Variants in ADAMTS12 observed in about 807,000 individuals in gnomAD.
The protein encoded by ADAMTS12 is ADAM metallopeptidase with thrombospondin type 1 motif 12.
A neutral mutation model predicts 167.8 loss-of-function variants in ADAMTS12; 118 were observed. The observed-to-expected ratio is 0.70, with a 90% confidence interval of 0.61 to 0.82. The LOEUF is 0.82. Ranked by LOEUF, ADAMTS12 falls within the 40% of genes least tolerant of loss-of-function variation. The pLI is 0.00. For synonymous variants in ADAMTS12, 704 were observed against 716.9 expected (o/e 0.98, Z 0.29); for missense variants, 1,916 against 1,998.8 (o/e 0.96, Z 0.79).
intron 2 of ADAMTS12, among the ~76,000 whole-genome samples, chr5:33,859,997 C>G (rs995069645): frequency 1.3e-5 from 2 of 152,144 alleles, no homozygotes; most frequent in Admixed American, 1.3e-4. Context: ...AACAAAAACC[C>G]CATCCAAATG....
intron 7 of ADAMTS12, among the ~76,000 whole-genome samples, chr5:33,654,918 A>C (rs186055922): frequency 2.7e-5 from 3 of 110,516 alleles, no homozygotes; most frequent in Non-Finnish European, 5.8e-5. Context: ...GTGTATTTCC[A>C]GGTTGTTGCC....
At chr5:33,527,505 T>C in intron 23 of ADAMTS12, 139 bp from the exon 24 acceptor site, 1 of 803,044 alleles carries the variant, frequency 1.2e-6, no homozygotes, top group South Asian at 1.8e-5. Flanking sequence ...TGGTATCTAC[T>C]GAATGTTTAT....
rs73758960 is a variant in ADAMTS12 at position 33,653,790 on chromosome 5, T to C, written c.1191-4093A>G. ...TGATAGGCCTGGGCATGGATTTTCT[T>C]TGGGTTTAACCTGGTTGAGTTTCTC... On this transcript the variant is annotated intron_variant, in intron 7 of 23. Transcript: ENST00000504830. 7.1e-3 allele frequency among the ~76,000 whole-genome samples: 1,076 copies of C among 152,250 alleles called. 16 individuals are homozygous for C. Among genetic ancestry groups the C allele is most frequent in the African/African-American group, 0.025 (1,023 of 41,556 alleles).
intron 20 of ADAMTS12, among the ~76,000 whole-genome samples, chr5:33,558,822 G>A (rs1745603457): frequency 6.6e-6 from 1 of 152,220 alleles, no homozygotes; most frequent in South Asian, 2.1e-4. Flanking sequence ...GGATATGGAA[G>A]AGAAGTTGTA....
At chr5:33,562,763 C>G (rs1303129123) in intron 19 of ADAMTS12, among the ~76,000 whole-genome samples, 1 of 152,018 alleles carries the variant, frequency 6.6e-6, no homozygotes, top group Non-Finnish European at 1.5e-5. Flanking sequence ...ACCTAACTAG[C>G]TGGAATTACA....
intron 9 of ADAMTS12, among the ~76,000 whole-genome samples, chr5:33,645,539 C>T (rs1740631825): frequency 6.6e-6 from 1 of 152,140 alleles, no homozygotes; most frequent in South Asian, 2.1e-4. Context: ...CCACTTCAGC[C>T]TCAATATCTG....
intron 2 of ADAMTS12, among the ~76,000 whole-genome samples, chr5:33,774,392 C>T (rs1745843201): frequency 6.6e-6 from 1 of 151,994 alleles, no homozygotes; most frequent in African/African-American, 2.4e-5. Context: ...GTGAACTACA[C>T]TATTTTTTTT....
At chr5:33,885,113 G>A (rs1160610855) in intron 1 of ADAMTS12, among the ~76,000 whole-genome samples, 1 of 152,126 alleles carries the variant, frequency 6.6e-6, no homozygotes, top group Non-Finnish European at 1.5e-5. Context: ...ACCAACAAGT[G>A]TGATTCTAAA....
rs1242530496 is a variant in ADAMTS12 at position 33,607,214 on chromosome 5, G to GT, written c.2527+7023_2527+7024insA. Reference sequence around the variant, plus strand: ...TATTCCATTCAGCACTCTGTGACAGGCCCAATGCAATGCAATGCAATGCAA... The same window carrying GT: ...TATTCCATTCAGCACTCTGTGACAGGTCCCAATGCAATGCAATGCAATGCAA... On this transcript the variant is annotated intron_variant, in intron 16 of 23. Transcript: ENST00000504830. Among the ~76,000 whole-genome samples the GT allele has an allele frequency of 1.3e-3, 188 of 140,682 alleles. 1 individual carries two copies. Among genetic ancestry groups the GT allele is most frequent in the African/African-American group, 4.1e-3 (165 of 40,266 alleles). The allele number at this position is 140,682 out of a possible 152,430, so 92.3% of individuals were successfully genotyped here. A position where few individuals can be genotyped will look rare whatever the true frequency, so the allele number is the denominator to read the frequency against.
intron 2 of ADAMTS12, among the ~76,000 whole-genome samples, chr5:33,815,719 G>A (rs544958710): frequency 3.9e-5 from 6 of 152,164 alleles, no homozygotes; most frequent in African/African-American, 7.2e-5. Context: ...AGAGAGGAGC[G>A]CATAGTCCTG....
At chr5:33,587,935 T>C (rs1747438925) in intron 18 of ADAMTS12, among the ~76,000 whole-genome samples, 1 of 152,192 alleles carries the variant, frequency 6.6e-6, no homozygotes, top group Non-Finnish European at 1.5e-5. Context: ...CACTAATAAC[T>C]GGGAACATGA....
chr5:33,800,422 T>A (rs1196309610), intron 2 of ADAMTS12, among the ~76,000 whole-genome samples: 4 of 152,174 alleles, frequency 2.6e-5, no homozygotes, highest in African/African-American at 9.7e-5. Flanking sequence ...ATATGTGGGC[T>A]TTCCAAAGAG....
Position 33,648,984 on chromosome 5 carries a change from G to A in ADAMTS12, c.1335-18C>T. ...AGCCTCGGCTGAAAACAAGTTAACA[G>A]AAATGAGAGGAGTTGTTTAGGATTC... On this transcript the variant is annotated intron_variant, in intron 8 of 23. Coordinates refer to ENST00000504830, the MANE Select transcript of ADAMTS12 (RefSeq NM_030955.4). 1 of 1,612,290 alleles carries A rather than the reference G, an allele frequency of 6.2e-7. No homozygotes were observed. Among genetic ancestry groups the A allele is most frequent in the Non-Finnish European group, 8.5e-7 (1 of 1,178,810 alleles).
intron 23 of ADAMTS12, among the ~76,000 whole-genome samples, chr5:33,528,927 C>T (rs1378168555): frequency 6.6e-6 from 1 of 152,132 alleles, no homozygotes; most frequent in East Asian, 1.9e-4. Flanking sequence ...CGCCTGTAAT[C>T]CCAGCTACTC....
intron 2 of ADAMTS12, among the ~76,000 whole-genome samples, chr5:33,863,883 G>A (rs1425947815): frequency 6.6e-6 from 1 of 152,038 alleles, no homozygotes; most frequent in Admixed American, 6.5e-5. Flanking sequence ...TGGAACAGAG[G>A]CCTCAGAAAT....
intron 3 of ADAMTS12, among the ~76,000 whole-genome samples, chr5:33,700,104 A>G (rs1742947138): frequency 1.3e-5 from 2 of 152,218 alleles, no homozygotes; most frequent in Non-Finnish European, 2.9e-5. Flanking sequence ...GTGGAAATAT[A>G]AAATAGTCTA....
At position 33,748,525 on chromosome 5, in the gene ADAMTS12, C is replaced by G. The variant is rs78358383; in HGVS notation, c.634+2879G>C. Reference sequence around the variant, plus strand: ...ATTAAGTCATATTGTGACATTTGGGCACCTTTCTATGTGGGAAATAAAAAT... The same window carrying G: ...ATTAAGTCATATTGTGACATTTGGGGACCTTTCTATGTGGGAAATAAAAAT... On this transcript the variant is annotated intron_variant, in intron 3 of 23. Coordinates refer to ENST00000504830, the MANE Select transcript of ADAMTS12 (RefSeq NM_030955.4). 7.4e-3 allele frequency among the ~76,000 whole-genome samples: 1,121 copies of G among 152,254 alleles called. 10 individuals carry two copies. The highest frequency in any genetic ancestry group is 0.026 in the African/African-American group (1,071 of 41,554).
In ADAMTS12 at chr5:33,649,672, C is replaced by G; in HGVS notation, c.1216G>C (p.Glu406Gln). The change falls in exon 8 of 24, where the codon GAA (glutamate) becomes CAA (glutamine). Residue 406 changes from glutamate (E) to glutamine (Q), a missense_variant. Glu to Gln is a conservative substitution (Grantham distance 29). Coordinates refer to ENST00000504830, the MANE Select transcript of ADAMTS12 (RefSeq NM_030955.4). ...CTGCCCACAGGCTCACAGTCATTTT[C>G]TTTCCCATCATGCTGGATGCCGAAG... ...HSFGIQHDGK[E>Q]NDCEPVGRHP... The G allele has an allele frequency of 6.2e-7, 1 of 1,613,948 alleles. No homozygotes were observed. The highest frequency in any genetic ancestry group is 8.5e-7 in the Non-Finnish European group (1 of 1,179,876).
chr5:33,812,665 G>T (rs4443421), intron 2 of ADAMTS12, among the ~76,000 whole-genome samples: 66,559 of 152,044 alleles, frequency 0.44, 14,884 homozygotes, highest in Non-Finnish European at 0.47. Flanking sequence ...AGTATGAACT[G>T]TGTGAGAATC....
Sources: gnomAD v4.1 joint callset for allele counts (sites outside exome capture counted in the v4.1 genomes callset) on GRCh38, gnomAD v4.1.1 for gene constraint, MANE v1.5 for transcripts, NCBI Gene and HGNC (gene_info 2026-07-23, HGNC 2026-07-21) for gene names.